The following RALYL variants were observed in gnomAD, a reference collection of about 807,000 sequenced individuals.
RALYL encodes RNA-binding Raly-like protein.
A neutral mutation model predicts 35.1 loss-of-function variants in RALYL; 29 were observed. The observed-to-expected ratio is 0.83, with a 90% CI of 0.61 to 1.13. RALYL has a LOEUF of 1.13. RALYL is among the 50% of genes most tolerant of loss of function. RALYL has a pLI of 0.00. For synonymous variants in RALYL, 120 were observed against 127.6 expected, an observed-to-expected ratio of 0.94 and a Z score of 0.40; for missense variants, 359 against 360.4, an observed-to-expected ratio of 1.00 and a Z score of 0.03.
At chr8:84,231,746 A>G (rs183278684) in intron 1 of RALYL, among the ~76,000 whole-genome samples, 1 of 152,248 alleles carries the variant, frequency 6.6e-6, no homozygotes, top group East Asian at 1.9e-4. Context: ...TTGTCCATCA[A>G]ACTCTTTCAA....
At chr8:84,306,479 A>C (rs992807523) in intron 1 of RALYL, among the ~76,000 whole-genome samples, 1 of 152,170 alleles carries the variant, frequency 6.6e-6, no homozygotes, top group Non-Finnish European at 1.5e-5. Context: ...CACCTCCCTG[A>C]TCCCTCTTCA....
intron 8 of RALYL, among the ~76,000 whole-genome samples, chr8:84,892,342 G>A (rs1437215771): frequency 6.6e-6 from 1 of 152,138 alleles, no homozygotes; most frequent in Admixed American, 6.5e-5. Flanking sequence ...GGGCATGGTG[G>A]CTCACGCCTG....
intron 1 of RALYL, among the ~76,000 whole-genome samples, chr8:84,517,839 T>C (rs547149709): frequency 1.2e-4 from 19 of 152,310 alleles, no homozygotes; most frequent in African/African-American, 4.3e-4. Flanking sequence ...GCTTAGTACC[T>C]TAGTGCATCT....
At chr8:84,682,370 G>A (rs1053990063) in intron 2 of RALYL, among the ~76,000 whole-genome samples, 2 of 152,104 alleles carry the variant, frequency 1.3e-5, no homozygotes, top group Non-Finnish European at 2.9e-5. Flanking sequence ...GAGTTAGGGA[G>A]GATTCCTTCT....
At chr8:84,428,104 T>TCACACACACACACACACA (rs769786577) in intron 1 of RALYL, among the ~76,000 whole-genome samples, 1 of 131,758 alleles carries the variant, frequency 7.6e-6, no homozygotes, top group Admixed American at 7.5e-5. Context: ...TCTCTCTCTC[T>TCACACACACACACACACA]CTCACACACA....
chr8:84,627,984 G>T (rs554481909), intron 2 of RALYL, among the ~76,000 whole-genome samples: 1 of 151,824 alleles, frequency 6.6e-6, no homozygotes, highest in African/African-American at 2.4e-5. Flanking sequence ...TTGCTGTTTC[G>T]TCTTTCTCTT....
chr8:84,486,403 A>T (rs893231928), intron 1 of RALYL, among the ~76,000 whole-genome samples: 1 of 151,504 alleles, frequency 6.6e-6, no homozygotes. Context: ...ATCTGCATTT[A>T]TTTGGTTATA....
intron 2 of RALYL, among the ~76,000 whole-genome samples, chr8:84,688,671 GC>G (rs1241709287): frequency 1.3e-5 from 2 of 152,052 alleles, no homozygotes; most frequent in Non-Finnish European, 2.9e-5. Flanking sequence ...TCTGGGCAAT[GC>G]TTTTTTACTA....
chr8:84,567,890 G>C (rs561534352), intron 2 of RALYL, among the ~76,000 whole-genome samples: 1 of 151,390 alleles, frequency 6.6e-6, no homozygotes, highest in Non-Finnish European at 1.5e-5. Context: ...ACTTTTTAAT[G>C]GTAGCCATTT....
At chr8:84,387,960 C>A (rs1859632766) in intron 1 of RALYL, among the ~76,000 whole-genome samples, 2 of 151,972 alleles carry the variant, frequency 1.3e-5, no homozygotes, top group South Asian at 4.2e-4. Flanking sequence ...CGTCATCTAG[C>A]ATTAGGTATA....
chr8:84,772,618 T>C (rs1815828665), intron 2 of RALYL, among the ~76,000 whole-genome samples: 1 of 152,116 alleles, frequency 6.6e-6, no homozygotes, highest in Non-Finnish European at 1.5e-5. Context: ...CTTTAGACTG[T>C]ATTTTATACA....
At chr8:84,899,934 A>G (rs560469506) in intron 8 of RALYL, among the ~76,000 whole-genome samples, 16 of 152,220 alleles carry the variant, frequency 1.1e-4, no homozygotes, top group Non-Finnish European at 1.8e-4. Context: ...AAACTAAAGT[A>G]TGCCCAGATA....
intron 1 of RALYL, among the ~76,000 whole-genome samples, chr8:84,302,816 A>G (rs189713184): frequency 3.6e-4 from 55 of 152,266 alleles, no homozygotes; most frequent in African/African-American, 1.3e-3. Flanking sequence ...GTCAATGAGC[A>G]TTTATAAGGT....
intron 1 of RALYL, among the ~76,000 whole-genome samples, chr8:84,485,410 T>C (rs1486232872): frequency 6.6e-6 from 1 of 152,048 alleles, no homozygotes. Context: ...CAAAACCCCA[T>C]TTCTATTAAA....
chr8:84,854,888 A>G (rs1836659664), intron 5 of RALYL, among the ~76,000 whole-genome samples: 1 of 152,170 alleles, frequency 6.6e-6, no homozygotes, highest in African/African-American at 2.4e-5. Flanking sequence ...TGAGTCCACA[A>G]GGAGAACCTG....
At chr8:84,899,214 T>C (rs573800705) in intron 8 of RALYL, among the ~76,000 whole-genome samples, 1 of 152,324 alleles carries the variant, frequency 6.6e-6, no homozygotes, top group South Asian at 2.1e-4. Flanking sequence ...TCCATAAATC[T>C]GTCCCCCAAC....
At chr8:84,232,806 C>T (rs1825659479) in intron 1 of RALYL, among the ~76,000 whole-genome samples, 1 of 151,724 alleles carries the variant, frequency 6.6e-6, no homozygotes, top group African/African-American at 2.4e-5. Flanking sequence ...TATTAATATC[C>T]TATAAAGTGA....
chr8:84,824,509 C>T (rs1313803522), intron 4 of RALYL, among the ~76,000 whole-genome samples: 1 of 151,882 alleles, frequency 6.6e-6, no homozygotes, highest in Admixed American at 6.6e-5. Context: ...CTAGAAAAAG[C>T]TATTTTAAAA....
intron 8 of RALYL, among the ~76,000 whole-genome samples, chr8:84,892,444 T>C (rs1844015042): frequency 6.6e-6 from 1 of 151,948 alleles, no homozygotes; most frequent in Non-Finnish European, 1.5e-5. Context: ...ACTTCATCTC[T>C]ACTAAAAATA....
Sources: gnomAD v4.1 joint callset for allele counts (sites outside exome capture counted in the v4.1 genomes callset) on GRCh38, gnomAD v4.1.1 for gene constraint, MANE v1.5 for transcripts, NCBI Gene and HGNC (gene_info 2026-07-23, HGNC 2026-07-21) for gene names.